The following ABR variants were observed in gnomAD, a reference collection of about 807,000 sequenced individuals.
ABR encodes the protein active breakpoint cluster region-related protein.
Under a neutral mutation model 107.2 loss-of-function variants are expected in ABR, and 35 were observed. The ratio of observed to expected loss-of-function variants is 0.33; its 90% confidence interval spans 0.25 to 0.43. The LOEUF (loss-of-function observed/expected upper bound fraction) is 0.43, where lower values mean the gene tolerates loss of function less well. Among genes scored for constraint, ABR ranks in the 20% least tolerant of loss-of-function variants. ABR has a pLI of 1.00. For synonymous variants in ABR, 498 were observed against 462.0 expected (o/e 1.08, Z -1.00); for missense variants, 815 against 1,115.2 (o/e 0.73, Z 3.83).
chr17:1,040,489 C>T (rs375586033), intron 16 of ABR, among the ~76,000 whole-genome samples: 2 of 152,390 alleles, frequency 1.3e-5, no homozygotes, highest in African/African-American at 4.8e-5. Flanking sequence ...CCAGCCTTGA[C>T]TTCCCCGCCC....
intron 4 of ABR, among the ~76,000 whole-genome samples, chr17:1,090,124 C>A (rs930231193): frequency 6.6e-6 from 1 of 152,128 alleles, no homozygotes; most frequent in African/African-American, 2.4e-5. Context: ...CCAGGGGAGG[C>A]CAGACGAGAG....
In ABR at chr17:1,179,625, C is replaced by A; in HGVS notation, c.61+42G>T. 1 of 1,478,954 alleles carries A rather than the reference C, an allele frequency of 6.8e-7. No homozygotes were observed. 91.6% of individuals were successfully genotyped at this position (1,478,954 alleles called of 1,614,324 possible). A position where few individuals can be genotyped will look rare whatever the true frequency, so the allele number is the denominator to read the frequency against. The stretch of plus-strand genomic sequence containing the variant: ...GGTCCCGATCTCCATCCTGGGGTCC[C>A]GATCCCGATCCTGGGGTCCCGCCCC... On this transcript the variant is annotated intron_variant, in intron 1 of 22. Transcript: ENST00000302538. This position sits in a 1 kb window ranked among gnomAD's most constrained non-coding sequence, Gnocchi z 4.9.
upstream of ABR, among the ~76,000 whole-genome samples, chr17:1,183,030 A>C (rs1292080442): frequency 1.3e-5 from 2 of 152,294 alleles, no homozygotes; most frequent in African/African-American, 4.8e-5. Flanking sequence ...ATCCAACGTC[A>C]CGCGCTGGGA....
At chr17:1,016,310 A>G (rs1210518665) in intron 16 of ABR, among the ~76,000 whole-genome samples, 1 of 145,456 alleles carries the variant, frequency 6.9e-6, no homozygotes, top group East Asian at 2.0e-4. Context: ...CACTGACCCC[A>G]ACGTTTCTTT....
intron 1 of ABR, among the ~76,000 whole-genome samples, chr17:1,133,317 G>A (rs1288879432): frequency 6.6e-6 from 1 of 151,816 alleles, no homozygotes; most frequent in Non-Finnish European, 1.5e-5. Flanking sequence ...TTAGTGGTTG[G>A]TACAGTTTAT....
intron 1 of ABR, among the ~76,000 whole-genome samples, chr17:1,167,207 G>A (rs906826997): frequency 1.3e-5 from 2 of 151,986 alleles, no homozygotes; most frequent in African/African-American, 2.4e-5. Context: ...ATCCCCTTCT[G>A]ATGGCCCTTC....
chr17:1,060,393 G>C (rs1421951326), intron 10 of ABR, among the ~76,000 whole-genome samples: 1 of 152,150 alleles, frequency 6.6e-6, no homozygotes, highest in Non-Finnish European at 1.5e-5. Flanking sequence ...CTGGGTGACA[G>C]AGCGAGACTC....
intron 17 of ABR, 133 bp downstream of exon 17, chr17:1,012,972 A>T: frequency 1.7e-6 from 2 of 1,167,306 alleles, no homozygotes; most frequent in Middle Eastern, 2.8e-4. Context: ...AGGAGGGGAG[A>T]GGGGGCTGGG....
At chr17:1,016,451 G>T (rs2071168145) in intron 16 of ABR, among the ~76,000 whole-genome samples, 1 of 151,866 alleles carries the variant, frequency 6.6e-6, no homozygotes, top group Non-Finnish European at 1.5e-5. Flanking sequence ...CGAGTAGCTG[G>T]GATTACAGGT....
chr17:1,149,369 G>A (rs1287635659), intron 1 of ABR, among the ~76,000 whole-genome samples: 1 of 151,794 alleles, frequency 6.6e-6, no homozygotes. Flanking sequence ...GGGGTTGGGA[G>A]TCACCTTCTG....
chr17:1,081,271 C>T (rs1337541411), intron 5 of ABR, among the ~76,000 whole-genome samples: 1 of 152,242 alleles, frequency 6.6e-6, no homozygotes, highest in Non-Finnish European at 1.5e-5. Context: ...GACGGGGTTT[C>T]ACCATGTTTC....
intron 1 of ABR, among the ~76,000 whole-genome samples, chr17:1,178,235 C>G (rs1160949813): frequency 6.6e-6 from 1 of 151,742 alleles, no homozygotes; most frequent in African/African-American, 2.4e-5. Context: ...CTCCCCCCAC[C>G]CCCCCCATAT....
Position 1,092,884 on chromosome 17 carries a change from G to A in ABR, c.346-1034C>T, listed in dbSNP as rs2037127725. Among the ~76,000 whole-genome samples, 1 of 114,956 alleles carries A rather than the reference G, an allele frequency of 8.7e-6. No homozygotes were observed. Among genetic ancestry groups the A allele is most frequent in the Non-Finnish European group, 1.9e-5 (1 of 52,764 alleles). The allele number at this position is 114,956 out of a possible 152,430, so 75.4% of individuals were successfully genotyped here. The stretch of plus-strand genomic sequence containing the variant: ...CTCGCTCTGTCGCCCAGGCTGGAGT[G>A]CAGTGGTGCGATCTCGGCTCCGCCT... On this transcript the variant is annotated intron_variant, in intron 3 of 22. Coordinates refer to ENST00000302538, the MANE Select transcript of ABR (RefSeq NM_021962.5). The surrounding 1 kb of genome is among the most constrained non-coding windows in gnomAD (Gnocchi z 4.6).
At chr17:1,123,763 C>A (rs1373101) in intron 2 of ABR, among the ~76,000 whole-genome samples, 1 of 151,848 alleles carries the variant, frequency 6.6e-6, no homozygotes, top group Non-Finnish European at 1.5e-5. Context: ...TCTTCTCCTC[C>A]TTGCTCTCCC....
intron 21 of ABR, among the ~76,000 whole-genome samples, chr17:1,008,716 G>A (rs1257059745): frequency 6.6e-6 from 1 of 152,264 alleles, no homozygotes; most frequent in East Asian, 1.9e-4. Context: ...CTGGCCCTGA[G>A]CTGGGGCTGA....
At chr17:1,140,172 G>A (rs1193019482) in intron 1 of ABR, among the ~76,000 whole-genome samples, 2 of 152,228 alleles carry the variant, frequency 1.3e-5, no homozygotes, top group East Asian at 3.8e-4. Context: ...ACCATGGTGG[G>A]AACCAAGGGC....
At chr17:1,169,630 G>A (rs1396856724) in intron 1 of ABR, among the ~76,000 whole-genome samples, 3 of 152,170 alleles carry the variant, frequency 2.0e-5, no homozygotes, top group Non-Finnish European at 4.4e-5. Flanking sequence ...CGTCGTGGGT[G>A]TGAGCCTGGG....
intron 4 of ABR, among the ~76,000 whole-genome samples, chr17:1,089,558 C>A (rs952609123): frequency 6.6e-6 from 1 of 152,194 alleles, no homozygotes; most frequent in African/African-American, 2.4e-5. Flanking sequence ...GGCCCTGCAA[C>A]GTCTCCCTCC....
intron 2 of ABR, among the ~76,000 whole-genome samples, chr17:1,101,874 C>T (rs968238081): frequency 8.5e-5 from 13 of 152,128 alleles, no homozygotes; most frequent in South Asian, 2.1e-4. Flanking sequence ...GCTGGGACTA[C>T]AGGCTCCCGC....
Sources: gnomAD v4.1 joint callset for allele counts (sites outside exome capture counted in the v4.1 genomes callset) on GRCh38, gnomAD v4.1.1 for gene constraint, Gnocchi (gnomAD v3.1) non-coding constraint, MANE v1.5 for transcripts, NCBI Gene and HGNC (gene_info 2026-07-23, HGNC 2026-07-21) for gene names.